SNTG1: variants seen among roughly 807,000 people sequenced by gnomAD.
SNTG1 encodes the protein gamma-1-syntrophin.
In SNTG1, 39 loss-of-function variants were observed where a neutral mutation model predicts 74.7. The ratio of observed to expected loss-of-function variants is 0.52; its 90% confidence interval spans 0.40 to 0.68. The LOEUF (loss-of-function observed/expected upper bound fraction) is 0.68, where lower values mean the gene tolerates loss of function less well. Among genes scored for constraint, SNTG1 ranks in the 30% least tolerant of loss-of-function variants. The probability of loss-of-function intolerance (pLI) is 0.00; values close to 1 mark genes in which losing one functional copy is unlikely to be tolerated. For missense variants in SNTG1, 685 were observed against 609.5 expected, an observed-to-expected ratio of 1.12 and a Z score of -1.30; for synonymous variants, 254 against 217.1, an observed-to-expected ratio of 1.17 and a Z score of -1.49.
intron 15 of SNTG1, among the ~76,000 whole-genome samples, chr8:50,663,193 G>C (rs1347502572): frequency 6.6e-6 from 1 of 152,120 alleles, no homozygotes; most frequent in Non-Finnish European, 1.5e-5. Flanking sequence ...CCTTCAACAA[G>C]GCAAACAAGT....
chr8:50,272,975 C>T (rs2087867131), intron 2 of SNTG1, among the ~76,000 whole-genome samples: 1 of 151,798 alleles, frequency 6.6e-6, no homozygotes, highest in Non-Finnish European at 1.5e-5. Context: ...AACTCCTGGC[C>T]TCAAGCAGTC....
Position 50,727,846 on chromosome 8 carries a change from A to G in SNTG1, c.1284+18868A>G, listed in dbSNP as rs2095503858. 4.6e-5 allele frequency among the ~76,000 whole-genome samples: 7 copies of G among 152,210 alleles called. No individual in the cohort carries two copies. In the South Asian group the frequency reaches 1.4e-3, roughly 32 times the overall value. ...GACAATGGCAGCATAAACATTTAGC[A>G]GAGTTATTGCATGCCAAATAAGTTC... On this transcript the variant is annotated intron_variant, in intron 17 of 18. Transcript: ENST00000642720.
chr8:50,740,447 A>G, intron 17 of SNTG1, among the ~76,000 whole-genome samples: 1 of 152,062 alleles, frequency 6.6e-6, no homozygotes, highest in East Asian at 1.9e-4. Flanking sequence ...CACCTGCCAG[A>G]ATGGCTACCA....
rs186181181 is a variant in SNTG1 at position 50,451,711 on chromosome 8, C to A, written c.363+982C>A. 5.7e-4 allele frequency among the ~76,000 whole-genome samples: 87 copies of A among 152,116 alleles called. 1 individual carries two copies. Among genetic ancestry groups the A allele is most frequent in the Non-Finnish European group, 1.0e-3 (71 of 68,002 alleles). ...GCCTAAGTGTTTCCATCATAAGTGG[C>A]CTCTAAATTAAACTTTTAGAGAAGC... On this transcript the variant is annotated intron_variant, in intron 8 of 18. Coordinates refer to ENST00000642720, the MANE Select transcript of SNTG1 (RefSeq NM_018967.5).
At chr8:50,789,402 C>G (rs1196383809) in intron 18 of SNTG1, among the ~76,000 whole-genome samples, 2 of 151,906 alleles carry the variant, frequency 1.3e-5, no homozygotes, top group Non-Finnish European at 2.9e-5. Context: ...CTCTACCTAT[C>G]CTGCACACCT....
chr8:50,324,151 G>A (rs999067297), intron 2 of SNTG1, among the ~76,000 whole-genome samples: 4 of 152,164 alleles, frequency 2.6e-5, no homozygotes, highest in Non-Finnish European at 5.9e-5. Context: ...CTGCTGGGAT[G>A]GGCCATTCCT....
intron 17 of SNTG1, among the ~76,000 whole-genome samples, chr8:50,732,281 AG>A (rs2095514708): frequency 6.6e-6 from 1 of 151,992 alleles, no homozygotes; most frequent in African/African-American, 2.4e-5. Flanking sequence ...TTGCATTTAT[AG>A]TTAAGCCAAG....
chr8:50,013,393 A>G (rs1298806546), intron 1 of SNTG1, among the ~76,000 whole-genome samples: 3 of 152,034 alleles, frequency 2.0e-5, no homozygotes, highest in Admixed American at 6.6e-5. Flanking sequence ...ACTTTCTTTA[A>G]TTATTGATTC....
intron 12 of SNTG1, among the ~76,000 whole-genome samples, chr8:50,576,667 C>T (rs562995702): frequency 6.6e-5 from 10 of 151,428 alleles, no homozygotes; most frequent in South Asian, 2.1e-4. Context: ...ATTTTATAAG[C>T]GTTTCACCTC....
chr8:50,681,195 T>C (rs1563735662), intron 15 of SNTG1, among the ~76,000 whole-genome samples: 1 of 152,186 alleles, frequency 6.6e-6, no homozygotes, highest in Non-Finnish European at 1.5e-5. Context: ...ATTTGCTTTG[T>C]ATTTACATAA....
At chr8:50,260,400 A>G (rs781739401) in intron 2 of SNTG1, among the ~76,000 whole-genome samples, 6 of 152,150 alleles carry the variant, frequency 3.9e-5, no homozygotes, top group Non-Finnish European at 7.4e-5. Context: ...ACTAAAAAAC[A>G]GAACTAAGCA....
intron 1 of SNTG1, among the ~76,000 whole-genome samples, chr8:49,938,602 C>CTTTTTTTTTTTTTTT (rs371390753): frequency 1.2e-4 from 1 of 8,110 alleles, no homozygotes; most frequent in African/African-American, 2.5e-4. Flanking sequence ...CTTTTCTTTT[C>CTTTTTTTTTTTTTTT]TTTTCTTTCT....
chr8:50,098,201 G>A (rs2079998954), intron 1 of SNTG1, among the ~76,000 whole-genome samples: 1 of 152,014 alleles, frequency 6.6e-6, no homozygotes, highest in Middle Eastern at 3.2e-3. Flanking sequence ...CCAGGATATT[G>A]CTACTGATTT....
intron 1 of SNTG1, among the ~76,000 whole-genome samples, chr8:50,165,120 G>T (rs147985417): frequency 0.013 from 2,034 of 152,232 alleles, 22 homozygotes; most frequent in Non-Finnish European, 0.022. Flanking sequence ...GAACAGTGTT[G>T]AGTTCTGCTT....
At chr8:50,690,454 T>A (rs1585542524) in intron 15 of SNTG1, among the ~76,000 whole-genome samples, 2 of 152,322 alleles carry the variant, frequency 1.3e-5, no homozygotes, top group South Asian at 4.1e-4. Flanking sequence ...TGTGTCTTTG[T>A]TCTCGTTGCT....
In SNTG1 at chr8:50,646,739, C is replaced by A. The variant is rs996234935; in HGVS notation, c.850-10170C>A. ...TCTTTCTAAAGTTTATATGGAGGAG[C>A]AAAAGACCCAGAAAAACCAACACCA... On this transcript the variant is annotated intron_variant, in intron 13 of 18. Coordinates refer to ENST00000642720, the MANE Select transcript of SNTG1 (RefSeq NM_018967.5). 3.6e-4 allele frequency among the ~76,000 whole-genome samples: 54 copies of A among 152,018 alleles called. 3 individuals carry two copies. Among genetic ancestry groups the A allele is most frequent in the Non-Finnish European group, 1.5e-5 (1 of 67,992 alleles).
At chr8:50,640,094 A>C (rs1585925143) in intron 13 of SNTG1, among the ~76,000 whole-genome samples, 1 of 152,318 alleles carries the variant, frequency 6.6e-6, no homozygotes, top group East Asian at 1.9e-4. Context: ...AAACTTAATT[A>C]GATACTATGG....
intron 2 of SNTG1, among the ~76,000 whole-genome samples, chr8:50,342,519 CA>C (rs1326278608): frequency 6.6e-6 from 1 of 152,024 alleles, no homozygotes; most frequent in Non-Finnish European, 1.5e-5. Context: ...CTAAGTAAGG[CA>C]AGCAAGAAAT....
intron 11 of SNTG1, among the ~76,000 whole-genome samples, chr8:50,549,576 A>C (rs988372715): frequency 6.6e-6 from 1 of 152,054 alleles, no homozygotes; most frequent in Non-Finnish European, 1.5e-5. Context: ...CAATGTCTCC[A>C]CTGGCTCCCC....
Sources: gnomAD v4.1 joint callset for allele counts (sites outside exome capture counted in the v4.1 genomes callset) on GRCh38, gnomAD v4.1.1 for gene constraint, MANE v1.5 for transcripts, NCBI Gene and HGNC (gene_info 2026-07-23, HGNC 2026-07-21) for gene names.